The following NKAIN3 variants were observed in gnomAD, a reference collection of about 807,000 sequenced individuals.
The protein encoded by NKAIN3 is sodium/potassium transporting ATPase interacting 3.
A neutral mutation model predicts 30.2 loss-of-function variants in NKAIN3; 25 were observed. The observed-to-expected ratio is 0.83, with a 90% CI of 0.60 to 1.16. The LOEUF is 1.16. NKAIN3 is among the 50% of genes most tolerant of loss of function. The pLI is 0.00. For synonymous variants in NKAIN3, 91 were observed against 89.6 expected (o/e 1.02, Z -0.09); for missense variants, 225 against 254.1 (o/e 0.89, Z 0.78).
At chr8:62,607,918 T>C (rs908115182) in intron 3 of NKAIN3, among the ~76,000 whole-genome samples, 4 of 152,168 alleles carry the variant, frequency 2.6e-5, no homozygotes, top group African/African-American at 9.6e-5. Context: ...TTTACATTAA[T>C]TTATTAACTT....
At chr8:62,384,988 A>C (rs1817381532) in intron 1 of NKAIN3, among the ~76,000 whole-genome samples, 1 of 152,154 alleles carries the variant, frequency 6.6e-6, no homozygotes, top group African/African-American at 2.4e-5. Context: ...TGTATGTAAT[A>C]AGTGCCTAGT....
chr8:62,857,327 G>A (rs1820093301), intron 4 of NKAIN3, among the ~76,000 whole-genome samples: 1 of 152,008 alleles, frequency 6.6e-6, no homozygotes, highest in South Asian at 2.1e-4. Context: ...TGTATCTTGG[G>A]GATAATCTTT....
intron 1 of NKAIN3, among the ~76,000 whole-genome samples, chr8:62,420,121 G>A (rs543784694): frequency 6.6e-6 from 1 of 152,236 alleles, no homozygotes; most frequent in East Asian, 1.9e-4. Context: ...CAATGAGCCA[G>A]GCCAGAGTTC....
chr8:62,369,959 C>T (rs1216622102), intron 1 of NKAIN3, among the ~76,000 whole-genome samples: 1 of 152,004 alleles, frequency 6.6e-6, no homozygotes, highest in Non-Finnish European at 1.5e-5. Context: ...TAATGCCTTA[C>T]AAAGTACAGT....
chr8:62,564,132 G>A (rs1050393693), intron 1 of NKAIN3, among the ~76,000 whole-genome samples: 1 of 152,184 alleles, frequency 6.6e-6, no homozygotes, highest in East Asian at 1.9e-4. Flanking sequence ...CATCCAACAA[G>A]TTCTCTTGGT....
chr8:62,266,088 G>T lies in NKAIN3; in HGVS notation c.54+16961G>T, dbSNP rs572122132. Among the ~76,000 whole-genome samples, 4 of 152,084 alleles carry T rather than the reference G, an allele frequency of 2.6e-5. No homozygotes were observed. In the South Asian group the frequency reaches 8.3e-4, roughly 32 times the overall value. On this transcript the variant is annotated intron_variant, in intron 1 of 6. Coordinates refer to ENST00000623646, the MANE Select transcript of NKAIN3 (RefSeq NM_001304533.3). The stretch of plus-strand genomic sequence containing the variant: ...TTCACTCTTCTCTGTCCTATGTTTG[G>T]GTCCTAGAAAGTCTCCTCTTGGACT...
chr8:62,727,482 AAACAATTAT>A (rs1211427364), intron 3 of NKAIN3, among the ~76,000 whole-genome samples: 1 of 152,164 alleles, frequency 6.6e-6, no homozygotes, highest in Admixed American at 6.5e-5. Context: ...TAGAACTAAT[AAACAATTAT>A]AACAAGGTTG....
In NKAIN3 at chr8:62,856,203, A is replaced by G. The variant is rs1252785843; in HGVS notation, c.472-62250A>G. On this transcript the variant is annotated intron_variant, in intron 4 of 6. Coordinates refer to ENST00000623646, the MANE Select transcript of NKAIN3 (RefSeq NM_001304533.3). ...AGCAAACTTCCTGTATTTGTATTAA[A>G]TGTCTGGGTCTTGGTTTTCACTGGT... 1.0e-5 allele frequency: 8 copies of G among 791,252 alleles called. No homozygotes were observed. In the Admixed American group the frequency reaches 1.0e-4, roughly 10 times the overall value. 49.0% of individuals were successfully genotyped at this position (791,252 alleles called of 1,614,324 possible).
rs71559381 is a variant in NKAIN3, at chr8:62,883,457, G to GTT, written c.472-34981_472-34980dup. ...TTTATTATTTCCAGGAGTTTTATGG[G>GTT]TTTTTTTTTTTTTTTTCAGATTTTC... On this transcript the variant is annotated intron_variant, in intron 4 of 6. Coordinates refer to ENST00000623646, the MANE Select transcript of NKAIN3 (RefSeq NM_001304533.3). 1.8e-3 allele frequency among the ~76,000 whole-genome samples: 125 copies of GTT among 70,228 alleles called. 10 individuals are homozygous for GTT. The highest frequency in any genetic ancestry group is 2.8e-3 in the Non-Finnish European group (114 of 41,376). 46.1% of individuals were successfully genotyped at this position (70,228 alleles called of 152,430 possible).
chr8:62,783,790 A>C (rs1233791496), intron 4 of NKAIN3, among the ~76,000 whole-genome samples: 1 of 151,574 alleles, frequency 6.6e-6, no homozygotes, highest in African/African-American at 2.4e-5. Flanking sequence ...ATGCAGCTAA[A>C]TTTTTTATTT....
chr8:62,835,026 A>T (rs1243509273), intron 4 of NKAIN3, among the ~76,000 whole-genome samples: 8 of 152,052 alleles, frequency 5.3e-5, no homozygotes, highest in Non-Finnish European at 5.9e-5. Context: ...AAGCCACACA[A>T]GTGCAACCAT....
intron 1 of NKAIN3, among the ~76,000 whole-genome samples, chr8:62,534,130 T>C (rs1472257230): frequency 6.6e-6 from 1 of 152,154 alleles, no homozygotes; most frequent in East Asian, 1.9e-4. Flanking sequence ...TCTCCCACTT[T>C]TTATTAAGCA....
chr8:62,344,336 G>A (rs1815856776), intron 1 of NKAIN3, among the ~76,000 whole-genome samples: 1 of 152,028 alleles, frequency 6.6e-6, no homozygotes, highest in African/African-American at 2.4e-5. Context: ...TTATACATAA[G>A]TGCATAGTGC....
intron 1 of NKAIN3, among the ~76,000 whole-genome samples, chr8:62,347,897 A>G (rs945729721): frequency 3.9e-5 from 6 of 152,164 alleles, no homozygotes; most frequent in African/African-American, 1.2e-4. Flanking sequence ...GAGATTCTTC[A>G]TTAATCAGAT....
chr8:62,530,226 T>C (rs1808446434), intron 1 of NKAIN3, among the ~76,000 whole-genome samples: 1 of 152,180 alleles, frequency 6.6e-6, no homozygotes, highest in African/African-American at 2.4e-5. Flanking sequence ...AGATTCATTT[T>C]TTTTTTCTGC....
intron 3 of NKAIN3, among the ~76,000 whole-genome samples, chr8:62,647,052 C>T (rs1812481959): frequency 6.6e-6 from 1 of 152,102 alleles, no homozygotes. Context: ...CTCTGTATTT[C>T]ACCAAATATT....
At chr8:62,753,527 C>T (rs7836794) in intron 4 of NKAIN3, among the ~76,000 whole-genome samples, 26,478 of 151,748 alleles carry the variant, frequency 0.17, 2,483 homozygotes, top group East Asian at 0.29. Flanking sequence ...ACAATATGAA[C>T]AAATGTGTTC....
At chr8:62,690,934 G>A (rs746221593) in intron 3 of NKAIN3, among the ~76,000 whole-genome samples, 4 of 152,152 alleles carry the variant, frequency 2.6e-5, no homozygotes, top group Non-Finnish European at 4.4e-5. Flanking sequence ...TATGTGCCCT[G>A]ATACTTTAGA....
intron 4 of NKAIN3, among the ~76,000 whole-genome samples, chr8:62,773,654 G>A (rs778646725): frequency 1.3e-5 from 2 of 152,082 alleles, no homozygotes; most frequent in Non-Finnish European, 2.9e-5. Flanking sequence ...TAGTGAATAA[G>A]TCTCACGAGA....
Sources: gnomAD v4.1 joint callset for allele counts (sites outside exome capture counted in the v4.1 genomes callset) on GRCh38, gnomAD v4.1.1 for gene constraint, MANE v1.5 for transcripts, NCBI Gene and HGNC (gene_info 2026-07-23, HGNC 2026-07-21) for gene names.